FHDC1: variants seen among roughly 807,000 people sequenced by gnomAD.
The protein encoded by FHDC1 is FH2 domain-containing protein 1.
Under a neutral mutation model 52.6 loss-of-function variants are expected in FHDC1, and 25 were observed. That is an observed-to-expected ratio of 0.48 (90% confidence interval 0.35 to 0.66). The LOEUF (loss-of-function observed/expected upper bound fraction) is 0.66, where lower values mean the gene tolerates loss of function less well. Ranked by LOEUF, FHDC1 falls within the 30% of genes least tolerant of loss-of-function variation. The pLI is 0.01. For synonymous variants in FHDC1, 616 were observed against 581.5 expected, an observed-to-expected ratio of 1.06 and a Z score of -0.85; for missense variants, 1,459 against 1,452.8, an observed-to-expected ratio of 1.00 and a Z score of -0.07.
At chr4:152,951,205 T>C (rs1739915805) in intron 2 of FHDC1, among the ~76,000 whole-genome samples, 1 of 152,256 alleles carries the variant, frequency 6.6e-6, no homozygotes, top group Non-Finnish European at 1.5e-5. Context: ...TTGAACGTGC[T>C]GTGTAACTAT....
chr4:152,928,983 A>T, the FHDC1 span, among the ~76,000 whole-genome samples: 2 of 152,144 alleles, frequency 1.3e-5, no homozygotes, highest in African/African-American at 4.8e-5. Context: ...TAGAGAAAAA[A>T]AAAGAAAGTT....
At chr4:152,967,619 T>C (rs1408733918) in intron 9 of FHDC1, among the ~76,000 whole-genome samples, 6 of 152,208 alleles carry the variant, frequency 3.9e-5, no homozygotes, top group Non-Finnish European at 8.8e-5. Context: ...TTGTGTTTAG[T>C]GGCCCATGGA....
intron 1 of FHDC1, among the ~76,000 whole-genome samples, chr4:152,941,589 A>G (rs889514291): frequency 9.9e-5 from 15 of 152,236 alleles, no homozygotes; most frequent in African/African-American, 3.4e-4. Flanking sequence ...GCACATCTTG[A>G]AAGTAGCAGA....
intron 11 of FHDC1, 110 bp downstream of exon 11, chr4:152,972,651 G>A (rs972711874): frequency 2.3e-5 from 29 of 1,273,032 alleles, no homozygotes; most frequent in Admixed American, 2.2e-4. Flanking sequence ...CCACGGTTTC[G>A]GGGACATCTG....
At chr4:152,913,852 A>G in the FHDC1 span, among the ~76,000 whole-genome samples, 679 of 151,532 alleles carry the variant, frequency 4.5e-3, 2 homozygotes, top group Middle Eastern at 0.02. Context: ...GGCTTATTTT[A>G]TATTTTTAGT....
rs376255247 is a variant in FHDC1 at position 152,960,665 on chromosome 4, G to A, written c.749+15G>A. The A allele has an allele frequency of 5.0e-5, 81 of 1,613,528 alleles. No individual in the cohort carries two copies. Among genetic ancestry groups the A allele is most frequent in the Middle Eastern group, 3.3e-4 (2 of 6,084 alleles). On this transcript the variant is annotated intron_variant, in intron 5 of 11. Transcript: ENST00000511601. ...CAGGTGCCAAAGTAAGGATACAGTC[G>A]CTGGTTATTATTCTTCACGCAGTAA...
At chr4:152,962,940 G>GGTGTGTGTGTGTGTGTGTGTGT (rs34181980) in intron 7 of FHDC1, 56 bp downstream of exon 7, 4 of 936,384 alleles carry the variant, frequency 4.3e-6, no homozygotes, top group Admixed American at 4.0e-5. Flanking sequence ...TCTATCTAAA[G>GGTGTGTGTGTGTGTGTGTGTGT]GTGTGTGTGT....
intron 2 of FHDC1, among the ~76,000 whole-genome samples, chr4:152,950,013 C>T (rs1462320407): frequency 2.0e-5 from 3 of 152,082 alleles, no homozygotes; most frequent in Admixed American, 6.6e-5. Context: ...ACCGGTTGAT[C>T]GGAGCTGGTG....
At chr4:152,914,911 G>C in the FHDC1 span, among the ~76,000 whole-genome samples, 1 of 151,616 alleles carries the variant, frequency 6.6e-6, no homozygotes, top group East Asian at 1.9e-4. Context: ...TTTCAAATGA[G>C]TGTAAAGCAT....
At chr4:152,923,909 A>G in the FHDC1 span, among the ~76,000 whole-genome samples, 1 of 152,238 alleles carries the variant, frequency 6.6e-6, no homozygotes, top group Non-Finnish European at 1.5e-5. Context: ...AAACTCTAGA[A>G]GAAAACCTAG....
At chr4:152,947,532 C>T (rs908762456) in intron 2 of FHDC1, among the ~76,000 whole-genome samples, 2 of 152,074 alleles carry the variant, frequency 1.3e-5, no homozygotes, top group African/African-American at 2.4e-5. Flanking sequence ...TGAGGGTGTG[C>T]GTGTCTGCCT....
Position 152,953,610 on chromosome 4 carries a change from A to G in FHDC1, c.560+50A>G, listed in dbSNP as rs969720874. On this transcript the variant is annotated intron_variant, in intron 3 of 11. Coordinates refer to ENST00000511601, the MANE Select transcript of FHDC1 (RefSeq NM_001371116.1). ...CTTTAGTCATATCCCTGCTGTCAGC[A>G]TCAAAGTCTGTGGGTGTGACTGAGC... The G allele has an allele frequency of 3.3e-6, 5 of 1,497,496 alleles. No homozygotes were observed. In the African/African-American group the frequency reaches 4.1e-5, roughly 12 times the overall value. 92.8% of individuals were successfully genotyped at this position (1,497,496 alleles called of 1,614,324 possible). A position where few individuals can be genotyped will look rare whatever the true frequency, so the allele number is the denominator to read the frequency against.
intron 2 of FHDC1, among the ~76,000 whole-genome samples, chr4:152,950,005 C>G (rs1168859610): frequency 2.0e-5 from 3 of 152,098 alleles, no homozygotes; most frequent in Non-Finnish European, 4.4e-5. Flanking sequence ...GAGTAATTAC[C>G]GGTTGATCGG....
Position 152,974,975 on chromosome 4 carries a change from C to G in FHDC1, c.1684C>G (p.Pro562Ala). The G allele has an allele frequency of 8.7e-6, 14 of 1,612,558 alleles. No individual in the cohort carries two copies. The highest frequency in any genetic ancestry group is 1.2e-5 in the Non-Finnish European group (14 of 1,179,832). ...CTTCTTGGAGAGCTCCACCGGCAGC[C>G]CTGAGGAGCCCAATAAGTTCCACAG... Reference protein sequence around the residue: ...LTFLESSTGSPEEPNKFHSLP... With the variant: ...LTFLESSTGSAEEPNKFHSLP... The change falls in exon 12 of 12, where the codon CCT becomes GCT. Residue 562 changes from proline (P) to alanine (A), a missense_variant. Physicochemically the swap from Pro to Ala is conservative, Grantham distance 27 (BLOSUM62 -1). Around this residue, in one of 3 missense-constraint regions of FHDC1, gnomAD observed 939 missense variants for 854.5 expected, o/e 1.10. Coordinates refer to ENST00000511601, the MANE Select transcript of FHDC1 (RefSeq NM_001371116.1).
At position 152,975,985 on chromosome 4, in the gene FHDC1, G is replaced by T; in HGVS notation, c.2694G>T (p.Glu898Asp). The change falls in exon 12 of 12, where the codon GAG (glutamate) becomes GAT (aspartate). Residue 898 changes from glutamate to aspartate, a missense_variant. By Grantham distance (45) the Glu-to-Asp change is conservative (BLOSUM62 2). Around this residue, in one of 3 missense-constraint regions of FHDC1, gnomAD observed 939 missense variants for 854.5 expected, o/e 1.10. Transcript: ENST00000511601. ...CTGTGCGGACCCTGACCGCCTCAGA[G>T]AACGAGAGCATGCGCAAGGTCATGC... ...AKSVRTLTAS[E>D]NESMRKVMPI... The T allele has an allele frequency of 6.6e-6, 10 of 1,525,446 alleles. No individual in the cohort carries two copies. The highest frequency in any genetic ancestry group is 1.3e-5 in the South Asian group (1 of 76,500). 94.5% of individuals were successfully genotyped at this position (1,525,446 alleles called of 1,614,324 possible).
At chr4:152,962,946 TGTGTGTGTGTGTG>T in intron 7 of FHDC1, 62 bp downstream of exon 7, 11 of 1,234,150 alleles carry the variant, frequency 8.9e-6, no homozygotes, top group Non-Finnish European at 1.2e-5. Context: ...TAAAGGTGTG[TGTGTGTGTGTGTG>T]TGTGTGTGTG....
rs973372430 is a variant in FHDC1 at position 152,956,796 on chromosome 4, A to G, written c.663+2477A>G. 2.6e-5 allele frequency among the ~76,000 whole-genome samples: 4 copies of G among 152,152 alleles called. No individual in the cohort carries two copies. In the East Asian group the frequency reaches 5.8e-4, roughly 22 times the overall value. On this transcript the variant is annotated intron_variant, in intron 4 of 11. Coordinates refer to ENST00000511601, the MANE Select transcript of FHDC1 (RefSeq NM_001371116.1). Reference sequence around the variant, plus strand: ...CTGAATATCTGGCGTGCTTGGTCACACTTCGCCTCCTTGTTTACATTACTG... The same window carrying G: ...CTGAATATCTGGCGTGCTTGGTCACGCTTCGCCTCCTTGTTTACATTACTG...
In FHDC1 at chr4:152,975,571, C is replaced by T. The variant is rs1740835650; in HGVS notation, c.2280C>T (p.Ser760=). The T allele has an allele frequency of 5.0e-6, 8 of 1,613,458 alleles. No homozygotes were observed. Among genetic ancestry groups the T allele is most frequent in the South Asian group, 1.1e-5 (1 of 91,082 alleles). Residue 760 remains serine, a synonymous_variant, in exon 12 of 12, where the codon AGC becomes AGT. Transcript: ENST00000511601. ...GSAALGSVGS[S]DPENKDPRPL... ...CAGCTTTGGGATCTGTGGGTAGCAG[C>T]GACCCTGAGAACAAAGATCCTAGAC...
intron 2 of FHDC1, among the ~76,000 whole-genome samples, chr4:152,946,021 C>T (rs1348378549): frequency 4.6e-5 from 7 of 152,132 alleles, no homozygotes; most frequent in Admixed American, 3.9e-4. Context: ...TTTCACTTAG[C>T]GTAATGTCCT....
Sources: allele counts gnomAD v4.1 joint callset (sites outside exome capture counted in the v4.1 genomes callset), GRCh38; gene constraint gnomAD v4.1.1; regional missense constraint gnomAD v4.1.1; transcripts MANE v1.5; gene names NCBI Gene and HGNC (gene_info 2026-07-23, HGNC 2026-07-21).